Variants in STARD13 observed in about 807,000 individuals in gnomAD.
STARD13 encodes stAR-related lipid transfer protein 13.
In STARD13, 62 loss-of-function variants were observed where a neutral mutation model predicts 106.4. The ratio of observed to expected loss-of-function variants is 0.58; its 90% CI spans 0.48 to 0.72. STARD13 has a LOEUF of 0.72. Ranked by LOEUF, STARD13 falls within the 30% of genes least tolerant of loss-of-function variation. STARD13 has a pLI of 0.00. For missense variants in STARD13, 1,387 were observed against 1,424.0 expected, an observed-to-expected ratio of 0.97 and a Z score of 0.42; for synonymous variants, 565 against 553.0, an observed-to-expected ratio of 1.02 and a Z score of -0.31.
the STARD13 span, among the ~76,000 whole-genome samples, chr13:33,441,420 AG>A: frequency 2.0e-5 from 3 of 152,156 alleles, no homozygotes; most frequent in African/African-American, 7.2e-5. Flanking sequence ...TTTGTGGTTA[AG>A]ATAATATGTT....
the STARD13 span, among the ~76,000 whole-genome samples, chr13:33,356,477 T>A: frequency 6.6e-6 from 1 of 152,184 alleles, no homozygotes; most frequent in African/African-American, 2.4e-5. Context: ...AAGTGGCTGA[T>A]GGCATAGACA....
rs144237908 is a variant in STARD13, at chr13:33,112,228, G to A, written c.2493-336C>T. 6.4e-3 allele frequency among the ~76,000 whole-genome samples: 972 copies of A among 152,278 alleles called. 12 individuals are homozygous for A. Among genetic ancestry groups the A allele is most frequent in the African/African-American group, 0.021 (882 of 41,558 alleles). On this transcript the variant is annotated intron_variant, in intron 9 of 13. Transcript: ENST00000336934. ...TAAAAATTGTAAAATACTACTTTGT[G>A]TATGTTTTCCTCCTCACTCACACAG...
At chr13:33,351,249 AAAATAG>A (rs1370192862), upstream of STARD13, among the ~76,000 whole-genome samples, 1 of 152,254 alleles carries the variant, frequency 6.6e-6, no homozygotes, top group Admixed American at 6.5e-5. Flanking sequence ...GAACCTACCT[AAAATAG>A]ATTTACATAC....
chr13:33,328,008 T>A (rs761715772), intron 1 of STARD13, among the ~76,000 whole-genome samples: 7 of 152,232 alleles, frequency 4.6e-5, no homozygotes, highest in Non-Finnish European at 1.0e-4. Flanking sequence ...AATATTTCAG[T>A]CTATGTATAT....
chr13:33,280,914 T>C (rs1455050263), intron 1 of STARD13: 1 of 152,196 alleles, frequency 6.6e-6, no homozygotes, highest in Admixed American at 6.5e-5. Flanking sequence ...ATAAATTAGT[T>C]GCTGAGGTAG....
chr13:33,412,529 T>G, the STARD13 span, among the ~76,000 whole-genome samples: 2 of 152,126 alleles, frequency 1.3e-5, no homozygotes, highest in South Asian at 2.1e-4. Context: ...AGACAAAAAT[T>G]GAAAGAATTG....
the STARD13 span, among the ~76,000 whole-genome samples, chr13:33,366,929 C>A: frequency 9.2e-5 from 14 of 152,158 alleles, no homozygotes; most frequent in Non-Finnish European, 1.9e-4. This position sits in a 1 kb window ranked among gnomAD's most constrained non-coding sequence, Gnocchi z 4.2. Context: ...TGAAAGCTAA[C>A]CTTTTGGATT....
the STARD13 span, among the ~76,000 whole-genome samples, chr13:33,425,156 G>A: frequency 3.1e-4 from 47 of 152,210 alleles, no homozygotes; most frequent in African/African-American, 1.1e-3. Flanking sequence ...TTCAAATGGT[G>A]TATATGCGTT....
chr13:33,374,733 A>C, the STARD13 span, among the ~76,000 whole-genome samples: 1 of 152,180 alleles, frequency 6.6e-6, no homozygotes, highest in Non-Finnish European at 1.5e-5. Context: ...AAAGTGACCC[A>C]TACAAACAAA....
intron 1 of STARD13, among the ~76,000 whole-genome samples, chr13:33,237,345 T>C (rs752920847): frequency 6.6e-5 from 10 of 152,252 alleles, no homozygotes; most frequent in Admixed American, 2.6e-4. Context: ...CATAAATTCA[T>C]AAAACATCTA....
the STARD13 span, among the ~76,000 whole-genome samples, chr13:33,382,045 C>A: frequency 6.6e-6 from 1 of 152,186 alleles, no homozygotes; most frequent in Non-Finnish European, 1.5e-5. Flanking sequence ...ATCTTCTTGG[C>A]TCCTAGCGCA....
At chr13:33,641,904 G>A in the STARD13 span, among the ~76,000 whole-genome samples, 2 of 152,136 alleles carry the variant, frequency 1.3e-5, no homozygotes, top group Non-Finnish European at 2.9e-5. Context: ...TCATGCTAAT[G>A]TAAAAAGGAA....
At chr13:33,554,942 TG>T in the STARD13 span, among the ~76,000 whole-genome samples, 1 of 152,196 alleles carries the variant, frequency 6.6e-6, no homozygotes, top group African/African-American at 2.4e-5. Flanking sequence ...TTGGTTTTCC[TG>T]GGTTCATCTG....
Position 33,118,243 on chromosome 13 carries a change from T to C in STARD13, c.2103A>G (p.Ser701=). Residue 701 remains serine (S), a synonymous_variant, in exon 8 of 14, where the codon TCA becomes TCG. Transcript: ENST00000336934. ...CLDQVGLFRK[S]GVKSRIHALR... ...GGGCATGGATTCGAGACTTCACTCCTGATTTGCGAAAAAGACCCACCTGAA... is the reference window on the plus strand; with the variant it reads ...GGGCATGGATTCGAGACTTCACTCCCGATTTGCGAAAAAGACCCACCTGAA... The C allele has an allele frequency of 1.2e-6, 2 of 1,614,236 alleles. No individual in the cohort carries two copies. The highest frequency in any genetic ancestry group is 1.7e-6 in the Non-Finnish European group (2 of 1,180,044).
the STARD13 span, among the ~76,000 whole-genome samples, chr13:33,408,424 A>G: frequency 6.6e-6 from 1 of 151,716 alleles, no homozygotes; most frequent in Non-Finnish European, 1.5e-5. Flanking sequence ...CTTTTTGTAA[A>G]TGGTTCATTT....
At chr13:33,662,106 C>CA in the STARD13 span, among the ~76,000 whole-genome samples, 1 of 151,608 alleles carries the variant, frequency 6.6e-6, no homozygotes, top group African/African-American at 2.4e-5. Flanking sequence ...ACTAAAAATA[C>CA]AAAAAATTAG....
chr13:33,108,166 C>A (rs1418488030), intron 12 of STARD13, among the ~76,000 whole-genome samples: 2 of 152,220 alleles, frequency 1.3e-5, no homozygotes, highest in Non-Finnish European at 2.9e-5. Flanking sequence ...ATGGGTGTGA[C>A]ATGAGAGACA....
upstream of STARD13, chr13:33,285,904 G>A: frequency 1.8e-6 from 1 of 552,708 alleles, no homozygotes; most frequent in Non-Finnish European, 2.7e-6. Context: ...CCAGCCGCCA[G>A]GGTCCCTCAC....
chr13:33,634,677 C>T, the STARD13 span, among the ~76,000 whole-genome samples: 3 of 152,200 alleles, frequency 2.0e-5, no homozygotes, highest in Admixed American at 6.5e-5. Flanking sequence ...ATTACTGTTG[C>T]GTTTTGATAA....
Sources: gnomAD v4.1 joint callset for allele counts (sites outside exome capture counted in the v4.1 genomes callset) on GRCh38, gnomAD v4.1.1 for gene constraint, Gnocchi (gnomAD v3.1) non-coding constraint, MANE v1.5 for transcripts, NCBI Gene and HGNC (gene_info 2026-07-23, HGNC 2026-07-21) for gene names.